Variants in DCTN4 observed in about 807,000 individuals in gnomAD.
The protein encoded by DCTN4 is dynactin subunit 4.
Under a neutral mutation model 62.7 loss-of-function variants are expected in DCTN4, and 23 were observed. The ratio of observed to expected loss-of-function variants is 0.37; its 90% CI spans 0.26 to 0.52. The LOEUF is 0.52. DCTN4 is among the 20% of genes least tolerant of loss of function. DCTN4 has a pLI of 0.92. For synonymous variants in DCTN4, 199 were observed against 202.1 expected (o/e 0.98, Z 0.13); for missense variants, 514 against 580.4 (o/e 0.89, Z 1.18).
rs532930423 is a variant in DCTN4 at position 150,757,279 on chromosome 5, T to C, written c.136-792A>G. 2.0e-5 allele frequency among the ~76,000 whole-genome samples: 3 copies of C among 152,292 alleles called. No homozygotes were observed. The East Asian group carries it at 5.8e-4, about 29-fold the overall frequency. On this transcript the variant is annotated intron_variant, in intron 1 of 12. Coordinates refer to ENST00000447998, the MANE Select transcript of DCTN4 (RefSeq NM_016221.4). ...ATCTCCAGGAACATAAAATACAATA[T>C]TGCTAACTAACCTCTGCACTGACTC...
chr5:150,709,852 C>G lies in DCTN4; in HGVS notation c.*1297G>C, dbSNP rs774478506. On this transcript the variant is annotated 3_prime_UTR_variant, in exon 13 of 13. Transcript: ENST00000447998. ...CAAAAAATCTGTATTTTCCTCAAGTCTCTTGGCCACTTACTAACAATACTT... is the reference window on the plus strand; with the variant it reads ...CAAAAAATCTGTATTTTCCTCAAGTGTCTTGGCCACTTACTAACAATACTT... 1 of 152,334 alleles carries G rather than the reference C, an allele frequency of 6.6e-6. No individual in the cohort carries two copies. Among genetic ancestry groups the G allele is most frequent in the African/African-American group, 2.4e-5 (1 of 41,442 alleles). The allele number at this position is 152,334 out of a possible 1,614,324, so 9.4% of individuals were successfully genotyped here. A position where few individuals can be genotyped will look rare whatever the true frequency, so the allele number is the denominator to read the frequency against.
intron 8 of DCTN4, among the ~76,000 whole-genome samples, chr5:150,730,244 T>C (rs1168077799): frequency 2.6e-5 from 4 of 152,254 alleles, no homozygotes; most frequent in Admixed American, 2.0e-4. Context: ...ATTTGTTCTG[T>C]AGATTACCAG....
chr5:150,758,559 A>C (rs1055421893), intron 1 of DCTN4: 1 of 1,120,916 alleles, frequency 8.9e-7, no homozygotes, highest in Non-Finnish European at 1.1e-6. Flanking sequence ...GCACCCCCAG[A>C]CCTTTCTCCG....
chr5:150,755,971 T>C (rs1449125890), intron 2 of DCTN4, among the ~76,000 whole-genome samples: 4 of 152,074 alleles, frequency 2.6e-5, no homozygotes, highest in Non-Finnish European at 5.9e-5. Context: ...TCAAAGGGGA[T>C]TTCATCTTTG....
intron 3 of DCTN4, among the ~76,000 whole-genome samples, chr5:150,751,182 A>G (rs963430766): frequency 3.3e-5 from 5 of 152,156 alleles, no homozygotes; most frequent in Admixed American, 2.0e-4. Context: ...CGTACATTAC[A>G]GACAAGTACT....
chr5:150,718,635 C>A (rs75338120), intron 10 of DCTN4, among the ~76,000 whole-genome samples: 3 of 151,912 alleles, frequency 2.0e-5, no homozygotes, highest in Admixed American at 6.6e-5. Context: ...GTTACTAGAT[C>A]CAGAAATTCT....
chr5:150,713,606 G>C (rs1759651808), intron 12 of DCTN4, among the ~76,000 whole-genome samples: 1 of 151,568 alleles, frequency 6.6e-6, no homozygotes, highest in South Asian at 2.1e-4. Flanking sequence ...ACCACGCCTG[G>C]CTAATTTTTG....
chr5:150,758,821 C>T, intron 1 of DCTN4, 38 bp downstream of exon 1: 2 of 1,606,298 alleles, frequency 1.2e-6, no homozygotes, highest in Non-Finnish European at 1.7e-6. Flanking sequence ...GCCGCGCCCC[C>T]CCCACCCCAC....
chr5:150,750,315 AGT>A (rs1202842142), intron 3 of DCTN4, among the ~76,000 whole-genome samples: 1 of 152,250 alleles, frequency 6.6e-6, no homozygotes, highest in Non-Finnish European at 1.5e-5. Context: ...AAAATTTTAG[AGT>A]CCAAAAGTAC....
chr5:150,758,802 A>G (rs1752955104), intron 1 of DCTN4, 57 bp downstream of exon 1: 1 of 1,599,322 alleles, frequency 6.3e-7, no homozygotes, highest in South Asian at 1.1e-5. Flanking sequence ...GGCAGTGACT[A>G]GCATGAACGC....
At chr5:150,746,637 C>T (rs1467574250) in intron 3 of DCTN4, among the ~76,000 whole-genome samples, 16 of 152,222 alleles carry the variant, frequency 1.1e-4, no homozygotes, top group Admixed American at 4.6e-4. Flanking sequence ...GTTCAACATA[C>T]GCAAATCAAT....
intron 5 of DCTN4, chr5:150,731,765 G>A: frequency 1.1e-6 from 1 of 929,170 alleles, no homozygotes; most frequent in South Asian, 1.5e-5. Context: ...AAGTATCTAA[G>A]CTACGGCTCA....
At chr5:150,731,213 C>T in intron 6 of DCTN4, 57 bp from the exon 7 acceptor site, 1 of 1,213,248 alleles carries the variant, frequency 8.2e-7, no homozygotes, top group Middle Eastern at 1.9e-4. Flanking sequence ...CTCACGGATC[C>T]ACCTGATTAT....
At chr5:150,733,589 G>A in intron 4 of DCTN4, 114 bp from the exon 5 acceptor site, 4 of 639,340 alleles carry the variant, frequency 6.3e-6, no homozygotes, top group South Asian at 5.6e-5. Flanking sequence ...ATTAAGATGG[G>A]CAAGTTTGCC....
intron 6 of DCTN4, 100 bp downstream of exon 6, chr5:150,731,316 C>T: frequency 8.8e-7 from 1 of 1,134,598 alleles, no homozygotes; most frequent in Non-Finnish European, 1.3e-6. Flanking sequence ...TCTTCTTTTC[C>T]ATTGACAACT....
intron 8 of DCTN4, among the ~76,000 whole-genome samples, chr5:150,730,399 C>T (rs1347158341): frequency 1.3e-5 from 2 of 152,208 alleles, no homozygotes; most frequent in African/African-American, 4.8e-5. Context: ...CCTTCAGATA[C>T]TTCATTTTCT....
intron 1 of DCTN4, chr5:150,758,373 C>A (rs993400600): frequency 1.1e-5 from 11 of 986,768 alleles, no homozygotes; most frequent in South Asian, 4.6e-5. Context: ...CGGCTGCAGG[C>A]CTTGGCCTGA....
At chr5:150,740,609 T>C (rs1760732481) in intron 4 of DCTN4, among the ~76,000 whole-genome samples, 1 of 152,136 alleles carries the variant, frequency 6.6e-6, no homozygotes, top group Non-Finnish European at 1.5e-5. Flanking sequence ...TGCACGTTTA[T>C]AGCAGCACAA....
At chr5:150,751,854 A>T (rs1231614046) in intron 3 of DCTN4, among the ~76,000 whole-genome samples, 3 of 152,222 alleles carry the variant, frequency 2.0e-5, no homozygotes, top group African/African-American at 7.2e-5. Flanking sequence ...AGAATCAAGG[A>T]TTAAATTTTT....
Sources: gnomAD v4.1 joint callset for allele counts (sites outside exome capture counted in the v4.1 genomes callset) on GRCh38, gnomAD v4.1.1 for gene constraint, MANE v1.5 for transcripts, NCBI Gene and HGNC (gene_info 2026-07-23, HGNC 2026-07-21) for gene names.